PARP4: variants seen among roughly 807,000 people sequenced by gnomAD.
PARP4 encodes protein mono-ADP-ribosyltransferase PARP4.
In PARP4, 120 loss-of-function variants were observed where a neutral mutation model predicts 187.7. The ratio of observed to expected loss-of-function variants is 0.64; its 90% CI spans 0.55 to 0.74. The LOEUF (loss-of-function observed/expected upper bound fraction) is 0.74, where lower values mean the gene tolerates loss of function less well. Ranked by LOEUF, PARP4 falls within the 30% of genes least tolerant of loss-of-function variation. The pLI is 0.00. For missense variants in PARP4, 1,836 were observed against 2,070.5 expected (o/e 0.89, Z 2.20); for synonymous variants, 654 against 740.9 (o/e 0.88, Z 1.90).
intron 32 of PARP4, among the ~76,000 whole-genome samples, chr13:24,431,011 G>A (rs1870306076): frequency 6.6e-6 from 1 of 152,200 alleles, no homozygotes; most frequent in Non-Finnish European, 1.5e-5. Context: ...TGGAGCCACA[G>A]TATGGAAGGA....
At chr13:24,502,811 T>C (rs1186396632) in intron 2 of PARP4, among the ~76,000 whole-genome samples, 2 of 152,242 alleles carry the variant, frequency 1.3e-5, no homozygotes, top group Admixed American at 1.3e-4. Context: ...AAGGGAAGTA[T>C]ATACAATTCT....
intron 31 of PARP4, among the ~76,000 whole-genome samples, 174 bp from the exon 32 acceptor site, chr13:24,431,650 C>T (rs1335936929): frequency 6.6e-6 from 1 of 152,166 alleles, no homozygotes; most frequent in Non-Finnish European, 1.5e-5. Context: ...ATGTAATAAA[C>T]CTGTACGTGT....
chr13:24,433,673 A>T (rs1870458987), intron 31 of PARP4, among the ~76,000 whole-genome samples: 1 of 152,016 alleles, frequency 6.6e-6, no homozygotes, highest in Non-Finnish European at 1.5e-5. Context: ...TCTCAAACCC[A>T]CTCTGTGAAG....
chr13:24,491,990 C>T (rs991686586), intron 9 of PARP4, among the ~76,000 whole-genome samples: 1 of 152,112 alleles, frequency 6.6e-6, no homozygotes, highest in African/African-American at 2.4e-5. Context: ...TACAGAGGGA[C>T]GGAAGGAGGC....
At position 24,503,803 on chromosome 13, in the gene PARP4, C is replaced by A. The variant is rs1304749652; in HGVS notation, c.-1-26G>T. On this transcript the variant is annotated intron_variant, in intron 1 of 33. Coordinates refer to ENST00000381989, the MANE Select transcript of PARP4 (RefSeq NM_006437.4). The stretch of plus-strand genomic sequence containing the variant: ...CTGTAGGAAAAAAAGTTTTTAAGGA[C>A]CCTCTCTTAAGTCAATATGACAGTG... 6 of 1,604,258 alleles carry A rather than the reference C, an allele frequency of 3.7e-6. No individual in the cohort carries two copies. In the East Asian group the frequency reaches 1.1e-4, roughly 30 times the overall value.
intron 17 of PARP4, among the ~76,000 whole-genome samples, chr13:24,466,527 G>A (rs939629727): frequency 1.3e-5 from 2 of 152,086 alleles, no homozygotes; most frequent in African/African-American, 4.8e-5. Flanking sequence ...GGGCGCAGTG[G>A]CTCACGTCTG....
At chr13:24,459,423 A>G in intron 18 of PARP4, 113 bp from the exon 19 acceptor site, 1 of 1,001,160 alleles carries the variant, frequency 1.0e-6, no homozygotes, top group Non-Finnish European at 1.4e-6. Flanking sequence ...AGCTGGTTTC[A>G]CTTTCAAGCA....
intron 32 of PARP4, among the ~76,000 whole-genome samples, chr13:24,427,805 A>G (rs1870133861): frequency 6.6e-6 from 1 of 152,204 alleles, no homozygotes. Context: ...CCACAAAAGA[A>G]AATCAGTGGA....
At chr13:24,495,628 A>C (rs1868902191) in intron 6 of PARP4, among the ~76,000 whole-genome samples, 1 of 152,118 alleles carries the variant, frequency 6.6e-6, no homozygotes, top group Non-Finnish European at 1.5e-5. Context: ...ATCTGGAAGA[A>C]CCTGCCCCAG....
chr13:24,431,546 G>T, intron 31 of PARP4, 70 bp from the exon 32 acceptor site: 2 of 936,484 alleles, frequency 2.1e-6, no homozygotes, highest in Non-Finnish European at 3.4e-6. Context: ...TACGTAGTGG[G>T]GGAAGGAGTG....
rs762453075 is a variant in PARP4 at position 24,459,532 on chromosome 13, T to TACACACACACACACACAC, written c.2299-223_2299-222insGTGTGTGTGTGTGTGTGT. The TACACACACACACACACAC allele has an allele frequency of 4.4e-4, 139 of 316,512 alleles. 5 individuals carry two copies. The highest frequency in any genetic ancestry group is 9.2e-4 in the East Asian group (17 of 18,476). The allele number at this position is 316,512 out of a possible 1,614,324, so 19.6% of individuals were successfully genotyped here. ...TAAACTCTACATATGTCTGTGTGTA[T>TACACACACACACACACAC]ACACACACACACACGCACACACACA... is the stretch of plus-strand genomic sequence containing the variant. On this transcript the variant is annotated intron_variant, in intron 18 of 33. Coordinates refer to ENST00000381989, the MANE Select transcript of PARP4 (RefSeq NM_006437.4).
At chr13:24,467,549 G>A (rs930568397) in intron 17 of PARP4, among the ~76,000 whole-genome samples, 15 of 152,064 alleles carry the variant, frequency 9.9e-5, no homozygotes, top group Non-Finnish European at 1.8e-4. Flanking sequence ...TGATCCTCCC[G>A]CCTTGGCCTC....
intron 20 of PARP4, among the ~76,000 whole-genome samples, chr13:24,458,682 G>T (rs1459881563): frequency 1.3e-5 from 2 of 152,210 alleles, no homozygotes; most frequent in African/African-American, 4.8e-5. Context: ...TTGTGAAACA[G>T]GTCTTTTGGA....
intron 30 of PARP4, among the ~76,000 whole-genome samples, chr13:24,440,420 A>T (rs1870865386): frequency 6.9e-4 from 1 of 1,452 alleles, no homozygotes; most frequent in Admixed American, 0.016. Flanking sequence ...AATTAAAATT[A>T]AAAAAAAAAA....
At chr13:24,460,477 G>C (rs1030557420) in intron 17 of PARP4, among the ~76,000 whole-genome samples, 11 of 97,164 alleles carry the variant, frequency 1.1e-4, no homozygotes, top group Non-Finnish European at 1.8e-4. Context: ...CTGCTGCACG[G>C]GTGGGCTCTG....
At chr13:24,502,837 A>G (rs1482308286) in intron 2 of PARP4, among the ~76,000 whole-genome samples, 1 of 152,246 alleles carries the variant, frequency 6.6e-6, no homozygotes, top group Middle Eastern at 3.2e-3. Context: ...AATTGGAAGT[A>G]AACAGGGACA....
intron 25 of PARP4, among the ~76,000 whole-genome samples, chr13:24,448,682 C>T (rs1871338060): frequency 6.6e-6 from 1 of 152,214 alleles, no homozygotes; most frequent in African/African-American, 2.4e-5. Flanking sequence ...CTCATAGCAG[C>T]ATTATTCACA....
rs191014272 is a variant in PARP4, at chr13:24,440,871, G to A, written c.3666+975C>T. Reference sequence around the variant, plus strand: ...TTAGAAACAAGGTTGCACATCTTTCGTATATTATTTTCTTATTTATGATCA... The same window carrying A: ...TTAGAAACAAGGTTGCACATCTTTCATATATTATTTTCTTATTTATGATCA... On this transcript the variant is annotated intron_variant, in intron 30 of 33. Transcript: ENST00000381989. Among the ~76,000 whole-genome samples, 1,509 of 152,230 alleles carry A rather than the reference G, an allele frequency of 9.9e-3. 27 individuals carry two copies. Among genetic ancestry groups the A allele is most frequent in the African/African-American group, 0.033 (1,374 of 41,554 alleles).
chr13:24,470,856 G>A (rs969268382), intron 15 of PARP4, among the ~76,000 whole-genome samples: 3 of 149,962 alleles, frequency 2.0e-5, no homozygotes, highest in Non-Finnish European at 4.4e-5. Flanking sequence ...ATTTTTCAAG[G>A]AGTCCTTGTT....
Sources: allele counts gnomAD v4.1 joint callset (sites outside exome capture counted in the v4.1 genomes callset), GRCh38; gene constraint gnomAD v4.1.1; transcripts MANE v1.5; gene names NCBI Gene and HGNC (gene_info 2026-07-23, HGNC 2026-07-21).